SEMA4F: variants seen among roughly 807,000 people sequenced by gnomAD.
SEMA4F encodes ssemaphorin 4F.
SEMA4F carries 51 observed loss-of-function variants against 78.4 expected under a neutral mutation model. The observed-to-expected ratio is 0.65, with a 90% CI of 0.52 to 0.82. The LOEUF (loss-of-function observed/expected upper bound fraction) is 0.82. Among genes scored for constraint, SEMA4F ranks in the 40% least tolerant of loss-of-function variants. SEMA4F has a pLI of 0.00. For missense variants in SEMA4F, 938 were observed against 1,014.4 expected, an observed-to-expected ratio of 0.92 and a Z score of 1.02; for synonymous variants, 418 against 408.7, an observed-to-expected ratio of 1.02 and a Z score of -0.27.
At chr2:74,678,049 T>G (rs1685388424) in intron 12 of SEMA4F, among the ~76,000 whole-genome samples, 1 of 152,236 alleles carries the variant, frequency 6.6e-6, no homozygotes, top group African/African-American at 2.4e-5. Flanking sequence ...ATGACAGGCT[T>G]GGCCAGCTTT....
chr2:74,700,178 A>G, the SEMA4F span, among the ~76,000 whole-genome samples: 1 of 152,150 alleles, frequency 6.6e-6, no homozygotes, highest in African/African-American at 2.4e-5. Flanking sequence ...CAGATAATTC[A>G]CAGAGGGGGA....
chr2:74,668,661 A>G (rs1684819051), intron 5 of SEMA4F, among the ~76,000 whole-genome samples: 1 of 149,056 alleles, frequency 6.7e-6, no homozygotes, highest in Non-Finnish European at 1.5e-5. Flanking sequence ...CCCAGGCTGG[A>G]GTGCAGTGGC....
chr2:74,698,533 A>G, the SEMA4F span, among the ~76,000 whole-genome samples: 131 of 152,294 alleles, frequency 8.6e-4, no homozygotes, highest in African/African-American at 2.9e-3. Context: ...AGTCCTTCCC[A>G]GCCTGGTTGT....
rs577377950 is a variant in SEMA4F at position 74,673,881 on chromosome 2, C to T, written c.822+53C>T. 44 of 1,562,052 alleles carry T rather than the reference C, an allele frequency of 2.8e-5. No homozygotes were observed. In the South Asian group the frequency reaches 4.0e-4, roughly 14 times the overall value. ...GTCATCTCCTGCTCTGTCTGTCCCC[C>T]GTCTTATCTTTTCCTCTTTGGGTCT... On this transcript the variant is annotated intron_variant, in intron 7 of 13. Coordinates refer to ENST00000357877, the MANE Select transcript of SEMA4F (RefSeq NM_004263.5).
At chr2:74,663,856 A>G (rs1397627946) in intron 5 of SEMA4F, among the ~76,000 whole-genome samples, 1 of 152,218 alleles carries the variant, frequency 6.6e-6, no homozygotes, top group Non-Finnish European at 1.5e-5. Flanking sequence ...ATCATATCCT[A>G]AATGGATATT....
the SEMA4F span, among the ~76,000 whole-genome samples, chr2:74,695,373 T>G: frequency 1.3e-5 from 2 of 152,208 alleles, no homozygotes; most frequent in African/African-American, 2.4e-5. Flanking sequence ...CAACAGTGCT[T>G]CTTTTCTGCA....
chr2:74,668,140 A>G lies in SEMA4F; in HGVS notation c.550+5315A>G, dbSNP rs190834590. On this transcript the variant is annotated intron_variant, in intron 5 of 13. Coordinates refer to ENST00000357877, the MANE Select transcript of SEMA4F (RefSeq NM_004263.5). Reference sequence around the variant, plus strand: ...TCAGTTGTCTTTGGGCCTCCCTATCACATCCTATAATAGATAGGGTTTCTA... The same window carrying G: ...TCAGTTGTCTTTGGGCCTCCCTATCGCATCCTATAATAGATAGGGTTTCTA... 1.1e-4 allele frequency among the ~76,000 whole-genome samples: 16 copies of G among 152,100 alleles called. No homozygotes were observed. The East Asian group carries it at 3.1e-3, about 29-fold the overall frequency.
At chr2:74,696,532 A>G in the SEMA4F span, among the ~76,000 whole-genome samples, 2 of 151,974 alleles carry the variant, frequency 1.3e-5, no homozygotes, top group African/African-American at 4.8e-5. Flanking sequence ...GTACCCTTCT[A>G]GTGTTTCTTT....
chr2:74,701,571 C>T, the SEMA4F span, among the ~76,000 whole-genome samples: 57 of 152,152 alleles, frequency 3.7e-4, no homozygotes, highest in Non-Finnish European at 5.1e-4. Context: ...TCTGAGCTCT[C>T]GCCATGCTCC....
At chr2:74,706,765 G>C in the SEMA4F span, among the ~76,000 whole-genome samples, 3 of 152,158 alleles carry the variant, frequency 2.0e-5, no homozygotes, top group Non-Finnish European at 2.9e-5. Flanking sequence ...TTTCACTTCT[G>C]AGTTTGCCTA....
Position 74,665,901 on chromosome 2 carries a change from TG to T in SEMA4F, c.550+3077del, listed in dbSNP as rs1399192730. Among the ~76,000 whole-genome samples the T allele has an allele frequency of 9.5e-4, 140 of 147,920 alleles. 1 individual carries two copies. Among genetic ancestry groups the T allele is most frequent in the African/African-American group, 3.5e-3 (133 of 37,706 alleles). ...TACTTTTGTTTCAAGCAGTAATTTT[TG>T]TTTTTTTTTTTTTTTGTTTTTTTGA... On this transcript the variant is annotated intron_variant, in intron 5 of 13. Coordinates refer to ENST00000357877, the MANE Select transcript of SEMA4F (RefSeq NM_004263.5).
downstream of SEMA4F, among the ~76,000 whole-genome samples, chr2:74,687,159 C>T (rs1312849741): frequency 6.6e-6 from 1 of 152,184 alleles, no homozygotes; most frequent in Non-Finnish European, 1.5e-5. Context: ...ACTTTCCCCT[C>T]ACTCAGGAGC....
At chr2:74,702,750 T>C in the SEMA4F span, among the ~76,000 whole-genome samples, 1 of 152,210 alleles carries the variant, frequency 6.6e-6, no homozygotes, top group Non-Finnish European at 1.5e-5. Context: ...TGAGAATATG[T>C]ATAGTCACTG....
In SEMA4F at chr2:74,680,249, A is replaced by C; in HGVS notation, c.*40A>C. The C allele has an allele frequency of 2.0e-6, 3 of 1,518,104 alleles. No homozygotes were observed. The highest frequency in any genetic ancestry group is 2.7e-6 in the Non-Finnish European group (3 of 1,130,662). 94.0% of individuals were successfully genotyped at this position (1,518,104 alleles called of 1,614,324 possible). A position where few individuals can be genotyped will look rare whatever the true frequency, so the allele number is the denominator to read the frequency against. On this transcript the variant is annotated 3_prime_UTR_variant, in exon 14 of 14. Coordinates refer to ENST00000357877, the MANE Select transcript of SEMA4F (RefSeq NM_004263.5). Reference sequence around the variant, plus strand: ...CCACTAGTGTATAAGTGATCACTGGAACGGAGTGACCACTGAGATGCTGGG... The same window carrying C: ...CCACTAGTGTATAAGTGATCACTGGCACGGAGTGACCACTGAGATGCTGGG...
the SEMA4F span, among the ~76,000 whole-genome samples, chr2:74,690,353 A>G: frequency 1.3e-5 from 2 of 152,256 alleles, no homozygotes; most frequent in African/African-American, 4.8e-5. Flanking sequence ...TTTACTTTTG[A>G]TTTACTGTCT....
Position 74,662,774 on chromosome 2 carries a change from C to T in SEMA4F, c.499C>T (p.Arg167Trp), listed in dbSNP as rs375993777. 1.1e-5 allele frequency: 17 copies of T among 1,614,038 alleles called. No individual in the cohort carries two copies. The highest frequency in any genetic ancestry group is 1.4e-5 in the Non-Finnish European group (16 of 1,179,988). ...FQQVERLESG[R>W]GKCPFEPAQR... ...GCAGGTTGAAAGACTTGAGAGTGGC[C>T]GGGGGAAATGTCCTTTTGAGCCAGC... The change falls in exon 5 of 14, where the codon CGG (arginine) becomes TGG (tryptophan). Residue 167 changes from arginine to tryptophan, a missense_variant. Coordinates refer to ENST00000357877, the MANE Select transcript of SEMA4F (RefSeq NM_004263.5).
the SEMA4F span, among the ~76,000 whole-genome samples, chr2:74,707,605 A>C: frequency 6.6e-6 from 1 of 152,182 alleles, no homozygotes; most frequent in African/African-American, 2.4e-5. Flanking sequence ...AACAACAACA[A>C]CAAACACAAT....
In SEMA4F at chr2:74,654,382, G is replaced by A; in HGVS notation, c.6G>A (p.Pro2=). 1 of 1,507,636 alleles carries A rather than the reference G, an allele frequency of 6.6e-7. No individual in the cohort carries two copies. The highest frequency in any genetic ancestry group is 8.8e-7 in the Non-Finnish European group (1 of 1,136,086). The allele number at this position is 1,507,636 out of a possible 1,614,324, so 93.4% of individuals were successfully genotyped here. ...GCGGCCAGGCGGAGCCAAAGATGCC[G>A]GCCTCTGCTGCGCGGCCCCGCCCGG... The part of the protein sequence containing the change: M[P]ASAARPRPGP... Residue 2 remains proline, a synonymous_variant, in exon 1 of 14, where the codon CCG becomes CCA. Coordinates refer to ENST00000357877, the MANE Select transcript of SEMA4F (RefSeq NM_004263.5).
At chr2:74,696,185 C>CTTTT in the SEMA4F span, among the ~76,000 whole-genome samples, 61 of 108,980 alleles carry the variant, frequency 5.6e-4, 1 homozygote, top group African/African-American at 1.8e-3. Flanking sequence ...TCTCCTGCCT[C>CTTTT]TTTTTTTTTT....
Sources: gnomAD v4.1 joint callset for allele counts (sites outside exome capture counted in the v4.1 genomes callset) on GRCh38, gnomAD v4.1.1 for gene constraint, MANE v1.5 for transcripts, NCBI Gene and HGNC (gene_info 2026-07-23, HGNC 2026-07-21) for gene names.